Variants in PGBD2 observed in about 807,000 individuals in gnomAD.
PGBD2 encodes the protein piggyBac transposable element derived 2.
PGBD2 carries 6 observed loss-of-function variants against 8.1 expected under a neutral mutation model. The ratio of observed to expected loss-of-function variants is 0.74; its 90% CI spans 0.40 to 1.46. The LOEUF (loss-of-function observed/expected upper bound fraction) is 1.46. Among genes scored for constraint, PGBD2 ranks in the 40% most tolerant of loss-of-function variants. The pLI is 0.02. For missense variants in PGBD2, 802 were observed against 739.0 expected, an observed-to-expected ratio of 1.09 and a Z score of -0.99; for synonymous variants, 318 against 272.2, an observed-to-expected ratio of 1.17 and a Z score of -1.66.
the PGBD2 span, among the ~76,000 whole-genome samples, chr1:248,900,337 A>T: frequency 2.1e-3 from 324 of 152,346 alleles, no homozygotes; most frequent in African/African-American, 7.5e-3. Context: ...AATCCAAAAA[A>T]TACTCAATAA....
chr1:248,916,086 G>T (rs371098838), intron 2 of PGBD2, among the ~76,000 whole-genome samples: 1 of 152,132 alleles, frequency 6.6e-6, no homozygotes, highest in East Asian at 1.9e-4. Context: ...CGTTTATTCC[G>T]TCTCCCATTG....
chr1:248,913,819 C>G lies in PGBD2; in HGVS notation c.-44C>G, dbSNP rs915439410. On this transcript the variant is annotated 5_prime_UTR_variant, in exon 2 of 3. Coordinates refer to ENST00000329291, the MANE Select transcript of PGBD2 (RefSeq NM_170725.3). ...ATTGACTTTTCTTGTCTTACAGGTT[C>G]TTAGACTCTGTGAGTAAAGACAGCT... is the stretch of plus-strand genomic sequence containing the variant. 1.9e-6 allele frequency: 3 copies of G among 1,552,586 alleles called. No homozygotes were observed. Among genetic ancestry groups the G allele is most frequent in the Admixed American group, 1.7e-5 (1 of 59,834 alleles).
chr1:248,883,573 CTTTTTTTTTTCTTTTTT>C, the PGBD2 span, among the ~76,000 whole-genome samples: 9 of 112,460 alleles, frequency 8.0e-5, 1 homozygote, highest in South Asian at 1.9e-3. Flanking sequence ...CTGATAGTTT[CTTTTTTTTTTCTTTTTT>C]TTTTTTTTTT....
At chr1:248,874,905 GATA>G in the PGBD2 span, among the ~76,000 whole-genome samples, 45 of 15,884 alleles carry the variant, frequency 2.8e-3, no homozygotes, top group Non-Finnish European at 5.7e-3. Flanking sequence ...GGTAGATAGA[GATA>G]GATAGATAGA....
At chr1:248,927,097 G>A in the PGBD2 span, among the ~76,000 whole-genome samples, 1 of 152,178 alleles carries the variant, frequency 6.6e-6, no homozygotes, top group African/African-American at 2.4e-5. Flanking sequence ...GACACACAAA[G>A]GCTGGCTCTG....
chr1:248,892,766 T>C, the PGBD2 span, among the ~76,000 whole-genome samples: 3 of 152,296 alleles, frequency 2.0e-5, no homozygotes, highest in Admixed American at 2.0e-4. Context: ...ATGTGAACAA[T>C]ATGATTTATG....
At chr1:248,899,669 A>G in the PGBD2 span, among the ~76,000 whole-genome samples, 1 of 152,070 alleles carries the variant, frequency 6.6e-6, no homozygotes, top group African/African-American at 2.4e-5. Flanking sequence ...CCCTAACATC[A>G]CAAATAAAAA....
chr1:248,874,541 A>G, the PGBD2 span, among the ~76,000 whole-genome samples: 894 of 152,344 alleles, frequency 5.9e-3, 8 homozygotes, highest in South Asian at 0.014. Context: ...CCAGCAGCAC[A>G]AAATGATCCA....
chr1:248,923,878 AGAG>A (rs1280364903), downstream of PGBD2, among the ~76,000 whole-genome samples: 6 of 152,236 alleles, frequency 3.9e-5, no homozygotes, highest in Non-Finnish European at 8.8e-5. Flanking sequence ...CACTCCAGAG[AGAG>A]GAGAACTTTC....
chr1:248,928,851 T>G, the PGBD2 span, among the ~76,000 whole-genome samples: 3 of 152,216 alleles, frequency 2.0e-5, no homozygotes, highest in African/African-American at 7.2e-5. Context: ...TCCTCATGTT[T>G]TCTTCTGCCA....
chr1:248,906,039 G>A (rs941793464), upstream of PGBD2, among the ~76,000 whole-genome samples: 3 of 152,168 alleles, frequency 2.0e-5, no homozygotes, highest in African/African-American at 7.2e-5. Context: ...GGGGTGGGAG[G>A]GTAAGGGAGA....
intron 1 of PGBD2, among the ~76,000 whole-genome samples, chr1:248,907,810 A>G (rs1661712452): frequency 6.6e-6 from 1 of 152,232 alleles, no homozygotes. Context: ...ATCTCAGGGC[A>G]AAGCAATTGT....
downstream of PGBD2, among the ~76,000 whole-genome samples, chr1:248,922,856 T>C (rs1662314831): frequency 6.6e-6 from 1 of 152,214 alleles, no homozygotes; most frequent in Non-Finnish European, 1.5e-5. Flanking sequence ...GGACTCGGTT[T>C]GCCAGTATTT....
chr1:248,920,176 C>G (rs569886996), downstream of PGBD2, among the ~76,000 whole-genome samples: 5 of 151,892 alleles, frequency 3.3e-5, no homozygotes, highest in East Asian at 9.7e-4. Context: ...ACTTTAAGTT[C>G]TGGGGTACAT....
At chr1:248,910,226 C>A (rs1487577008) in intron 1 of PGBD2, among the ~76,000 whole-genome samples, 1 of 152,166 alleles carries the variant, frequency 6.6e-6, no homozygotes, top group Non-Finnish European at 1.5e-5. Flanking sequence ...TTTATAGTAA[C>A]AGAATTAGAC....
upstream of PGBD2, among the ~76,000 whole-genome samples, chr1:248,904,465 C>G (rs1661585910): frequency 6.6e-6 from 1 of 152,204 alleles, no homozygotes; most frequent in Non-Finnish European, 1.5e-5. Context: ...TTTTTATTAA[C>G]TTTAAATTAC....
chr1:248,891,549 G>C, the PGBD2 span, among the ~76,000 whole-genome samples: 2 of 152,252 alleles, frequency 1.3e-5, no homozygotes, highest in South Asian at 4.1e-4. Flanking sequence ...ATATTTTTGG[G>C]CCAGGCACAG....
the PGBD2 span, among the ~76,000 whole-genome samples, chr1:248,884,042 C>G: frequency 6.6e-6 from 1 of 152,038 alleles, no homozygotes; most frequent in Admixed American, 6.5e-5. Flanking sequence ...AGGTTTTCTT[C>G]TAGGATTTTT....
the PGBD2 span, among the ~76,000 whole-genome samples, chr1:248,887,018 T>C: frequency 3.3e-5 from 5 of 152,186 alleles, no homozygotes; most frequent in Non-Finnish European, 5.9e-5. Context: ...TTTATGTATG[T>C]TTTTATGCAT....
Sources: gnomAD v4.1 joint callset for allele counts (sites outside exome capture counted in the v4.1 genomes callset) on GRCh38, gnomAD v4.1.1 for gene constraint, MANE v1.5 for transcripts, NCBI Gene and HGNC (gene_info 2026-07-23, HGNC 2026-07-21) for gene names.